The following CHRM5 variants were observed in gnomAD, a reference collection of about 807,000 sequenced individuals.
The protein encoded by CHRM5 is cholinergic receptor muscarinic 5, also known as muscarinic acetylcholine receptor M5.
A neutral mutation model predicts 39.0 loss-of-function variants in CHRM5; 18 were observed. The observed-to-expected ratio is 0.46, with a 90% CI of 0.32 to 0.68. The LOEUF (loss-of-function observed/expected upper bound fraction) is 0.68, where lower values mean the gene tolerates loss of function less well. Among genes scored for constraint, CHRM5 ranks in the 30% least tolerant of loss-of-function variants. The pLI is 0.04. For synonymous variants in CHRM5, 241 were observed against 246.3 expected (o/e 0.98, Z 0.20); for missense variants, 515 against 651.1 (o/e 0.79, Z 2.28).
intron 1 of CHRM5, among the ~76,000 whole-genome samples, chr15:34,016,243 AAAAC>A (rs1468091020): frequency 6.6e-6 from 1 of 152,260 alleles, no homozygotes; most frequent in Non-Finnish European, 1.5e-5. Flanking sequence ...TCAAAAAACA[AAAAC>A]AAAAACAAAA....
chr15:34,030,447 G>A (rs1216288913), intron 1 of CHRM5, among the ~76,000 whole-genome samples: 1 of 151,942 alleles, frequency 6.6e-6, no homozygotes, highest in Non-Finnish European at 1.5e-5. Context: ...CCAGGTTCAT[G>A]CCATTCTCCT....
At chr15:33,995,899 A>T (rs1347013878) in intron 1 of CHRM5, among the ~76,000 whole-genome samples, 1 of 152,246 alleles carries the variant, frequency 6.6e-6, no homozygotes, top group African/African-American at 2.4e-5. Flanking sequence ...CTGGAAGCGC[A>T]AGGGGTCAGG....
At chr15:34,032,023 G>A (rs72718685) in intron 1 of CHRM5, among the ~76,000 whole-genome samples, 256 of 149,020 alleles carry the variant, frequency 1.7e-3, no homozygotes, top group African/African-American at 5.5e-3. Context: ...GCGCGCACAC[G>A]CACACACACA....
At chr15:34,043,030 G>A (rs1899540851) in intron 1 of CHRM5, among the ~76,000 whole-genome samples, 1 of 151,858 alleles carries the variant, frequency 6.6e-6, no homozygotes, top group African/African-American at 2.4e-5. Flanking sequence ...GGTGGATCAC[G>A]AGGTCAGGAG....
intron 1 of CHRM5, among the ~76,000 whole-genome samples, chr15:34,030,176 C>G (rs959417723): frequency 6.6e-6 from 1 of 151,562 alleles, no homozygotes; most frequent in African/African-American, 2.4e-5. Flanking sequence ...ATCTCTTGAA[C>G]CCAGAAGGCA....
In CHRM5 at chr15:33,982,760, T is replaced by C. The variant is rs114442681; in HGVS notation, c.-408+13610T>C. 1.4e-3 allele frequency among the ~76,000 whole-genome samples: 208 copies of C among 151,390 alleles called. 2 individuals are homozygous for C. Among genetic ancestry groups the C allele is most frequent in the African/African-American group, 4.7e-3 (195 of 41,324 alleles). Reference sequence around the variant, plus strand: ...AAATACCATGATGCTTTCCCCATGATGTTTTCCCCTTATGAATCGAAAAAC... The same window carrying C: ...AAATACCATGATGCTTTCCCCATGACGTTTTCCCCTTATGAATCGAAAAAC... On this transcript the variant is annotated intron_variant, in intron 1 of 2. Coordinates refer to ENST00000383263, the MANE Select transcript of CHRM5 (RefSeq NM_012125.4).
intron 1 of CHRM5, among the ~76,000 whole-genome samples, chr15:34,006,387 T>C (rs1897344607): frequency 6.6e-6 from 1 of 152,132 alleles, no homozygotes; most frequent in Non-Finnish European, 1.5e-5. Flanking sequence ...AGCAGGGTTT[T>C]GTCTGGGAAA....
chr15:34,009,662 G>A (rs1897552089), intron 1 of CHRM5, among the ~76,000 whole-genome samples: 1 of 152,118 alleles, frequency 6.6e-6, no homozygotes, highest in African/African-American at 2.4e-5. Context: ...CAAGAAGGCT[G>A]TTACATAATA....
At chr15:34,039,510 A>AT (rs913232796) in intron 1 of CHRM5, among the ~76,000 whole-genome samples, 3 of 152,120 alleles carry the variant, frequency 2.0e-5, no homozygotes, top group East Asian at 1.9e-4. Context: ...AAGTGAGTTA[A>AT]TTTTTTTTCC....
chr15:34,022,722 C>A (rs8026782), intron 1 of CHRM5, among the ~76,000 whole-genome samples: 19,527 of 152,214 alleles, frequency 0.13, 1,647 homozygotes, highest in African/African-American at 0.23. Context: ...TCCAAGGATT[C>A]TGCCCACTGT....
chr15:34,062,577 A>AAAC, intron 2 of CHRM5, 66 bp from the exon 3 acceptor site: 1 of 687,516 alleles, frequency 1.5e-6, no homozygotes, highest in East Asian at 2.9e-5. Context: ...AAAAAAAACT[A>AAAC]TAAACAATGG....
intron 1 of CHRM5, among the ~76,000 whole-genome samples, chr15:34,003,910 G>A (rs1176265483): frequency 6.6e-6 from 1 of 152,148 alleles, no homozygotes; most frequent in East Asian, 1.9e-4. Flanking sequence ...ACATTCTGAT[G>A]TTATATATTG....
intron 1 of CHRM5, chr15:34,038,860 G>T: frequency 8.6e-7 from 1 of 1,156,396 alleles, no homozygotes. Context: ...CGGCCTCCGC[G>T]AGCGCCGCGG....
intron 2 of CHRM5, among the ~76,000 whole-genome samples, chr15:34,049,295 G>T (rs915169027): frequency 6.6e-6 from 1 of 152,156 alleles, no homozygotes; most frequent in Non-Finnish European, 1.5e-5. Context: ...ATGCAAGGGA[G>T]CTATGAATCA....
At chr15:34,003,248 A>C (rs774949404) in intron 1 of CHRM5, 1 of 1,601,694 alleles carries the variant, frequency 6.2e-7, no homozygotes, top group Non-Finnish European at 8.5e-7. Flanking sequence ...TAAGCAGTGG[A>C]AATCCTGACC....
chr15:34,053,906 A>G (rs1426807875), intron 2 of CHRM5, among the ~76,000 whole-genome samples: 1 of 152,204 alleles, frequency 6.6e-6, no homozygotes. Flanking sequence ...ACAGAATGGG[A>G]GAAAAATTTT....
intron 1 of CHRM5, among the ~76,000 whole-genome samples, chr15:34,018,015 T>C (rs1898021612): frequency 6.6e-6 from 1 of 152,256 alleles, no homozygotes; most frequent in Non-Finnish European, 1.5e-5. Flanking sequence ...TACAATTATG[T>C]ACACTACATA....
At chr15:34,037,109 CA>C (rs59011779) in intron 1 of CHRM5, among the ~76,000 whole-genome samples, 43,060 of 137,466 alleles carry the variant, frequency 0.31, 8,153 homozygotes, top group African/African-American at 0.57. Context: ...AACTCCGTCT[CA>C]AAAAAAAAAA....
chr15:34,034,446 TAAA>T (rs34205777), intron 1 of CHRM5, among the ~76,000 whole-genome samples: 7 of 143,718 alleles, frequency 4.9e-5, no homozygotes, highest in African/African-American at 7.7e-5. Flanking sequence ...GTTTCTTTTT[TAAA>T]AAAAAAAAAA....
Sources: gnomAD v4.1 joint callset for allele counts (sites outside exome capture counted in the v4.1 genomes callset) on GRCh38, gnomAD v4.1.1 for gene constraint, MANE v1.5 for transcripts, NCBI Gene and HGNC (gene_info 2026-07-23, HGNC 2026-07-21) for gene names.